Variants in BCR observed in about 807,000 individuals in gnomAD.
BCR encodes BCR activator of RhoGEF and GTPase.
A neutral mutation model predicts 138.6 loss-of-function variants in BCR; 58 were observed. That is an observed-to-expected ratio of 0.42 (90% CI 0.34 to 0.52). BCR has a LOEUF of 0.52. Among genes scored for constraint, BCR ranks in the 20% least tolerant of loss-of-function variants. The pLI is 0.06. For synonymous variants in BCR, 786 were observed against 730.1 expected (o/e 1.08, Z -1.23); for missense variants, 1,599 against 1,727.2 (o/e 0.93, Z 1.32).
chr22:23,184,521 A>G (rs2072314278), intron 1 of BCR, among the ~76,000 whole-genome samples: 1 of 152,142 alleles, frequency 6.6e-6, no homozygotes, highest in African/African-American at 2.4e-5. Flanking sequence ...TGATCGGGAA[A>G]TATAGCAATT....
chr22:23,218,203 T>C (rs1436164979), intron 1 of BCR, among the ~76,000 whole-genome samples: 4 of 152,144 alleles, frequency 2.6e-5, no homozygotes, highest in Non-Finnish European at 1.5e-5. Flanking sequence ...GCCAGTGCCC[T>C]GGCTTCCAGG....
intron 2 of BCR, among the ~76,000 whole-genome samples, chr22:23,258,976 G>C (rs1263661695): frequency 6.6e-6 from 1 of 152,216 alleles, no homozygotes; most frequent in Admixed American, 6.5e-5. Context: ...TCTGACTGCA[G>C]GCAGGGCCAT....
chr22:23,259,025 G>T (rs192550417), intron 2 of BCR, among the ~76,000 whole-genome samples: 1 of 152,298 alleles, frequency 6.6e-6, no homozygotes, highest in East Asian at 1.9e-4. Flanking sequence ...GCCTCAGCCC[G>T]GTGGAGCACT....
In BCR at chr22:23,181,262, C is replaced by T. The variant is rs934876396; in HGVS notation, c.302C>T (p.Pro101Leu). ...TCCGCGTCGCGCCCGCAGCCAGCGC[C>T]CGCCGACGGAGCCGACCCGCCGCCC... Reference protein sequence around the residue: ...RASASRPQPAPADGADPPPAE... With the variant: ...RASASRPQPALADGADPPPAE... The change falls in exon 1 of 23, where the codon CCC becomes CTC. Residue 101 changes from proline to leucine, a missense_variant. By Grantham distance (98) the Pro-to-Leu change is moderately conservative (BLOSUM62 -3). Around this residue, in one of 4 missense-constraint regions of BCR, gnomAD observed 806 missense variants for 635.0 expected, o/e 1.27. Coordinates refer to ENST00000305877, the MANE Select transcript of BCR (RefSeq NM_004327.4). 5 of 1,253,972 alleles carry T rather than the reference C, an allele frequency of 4.0e-6. No homozygotes were observed. The African/African-American group carries it at 7.9e-5, about 20-fold the overall frequency. 77.7% of individuals were successfully genotyped at this position (1,253,972 alleles called of 1,614,324 possible). A position where few individuals can be genotyped will look rare whatever the true frequency, so the allele number is the denominator to read the frequency against.
chr22:23,225,289 G>A (rs912868261), intron 1 of BCR, among the ~76,000 whole-genome samples: 1 of 152,026 alleles, frequency 6.6e-6, no homozygotes. Flanking sequence ...TGAACCCAGA[G>A]TAGCGTGCAT....
chr22:23,265,283 C>G (rs1422776815), intron 4 of BCR, among the ~76,000 whole-genome samples: 2 of 152,224 alleles, frequency 1.3e-5, no homozygotes, highest in African/African-American at 4.8e-5. Context: ...TTCCCCATAA[C>G]GACGAGCTGA....
At chr22:23,308,342 G>C (rs566873543) in intron 16 of BCR, among the ~76,000 whole-genome samples, 12 of 152,140 alleles carry the variant, frequency 7.9e-5, no homozygotes, top group African/African-American at 2.7e-4. Flanking sequence ...GTCTTGCTGT[G>C]TCGCCCAGGC....
intron 5 of BCR, among the ~76,000 whole-genome samples, chr22:23,269,099 A>G (rs1332257202): frequency 6.6e-6 from 1 of 152,258 alleles, no homozygotes; most frequent in Non-Finnish European, 1.5e-5. Flanking sequence ...GAAACCTCAA[A>G]CCATGTGGTG....
At chr22:23,303,757 A>G (rs1056594401) in intron 16 of BCR, among the ~76,000 whole-genome samples, 3 of 152,208 alleles carry the variant, frequency 2.0e-5, no homozygotes, top group Non-Finnish European at 2.9e-5. Context: ...ATAGTGATAC[A>G]GGTCCTCCTT....
chr22:23,206,698 A>G lies in BCR; in HGVS notation c.1279+24459A>G, dbSNP rs191683704. 6.2e-4 allele frequency among the ~76,000 whole-genome samples: 95 copies of G among 152,310 alleles called. 1 individual carries two copies. Among genetic ancestry groups the G allele is most frequent in the Middle Eastern group, 3.4e-3 (1 of 294 alleles). ...ACCTTTTCAAGCCCCAAGATGAGCA[A>G]ACTTGCTCCTCTTATTTCCTAGCAG... On this transcript the variant is annotated intron_variant, in intron 1 of 22. Transcript: ENST00000305877.
At position 23,199,143 on chromosome 22, in the gene BCR, G is replaced by A. The variant is rs368302248; in HGVS notation, c.1279+16904G>A. 441 of 329,490 alleles carry A rather than the reference G, an allele frequency of 1.3e-3. 3 individuals are homozygous for A. The highest frequency in any genetic ancestry group is 9.2e-3 in the African/African-American group (416 of 45,218). 20.4% of individuals were successfully genotyped at this position (329,490 alleles called of 1,614,324 possible). A position where few individuals can be genotyped will look rare whatever the true frequency, so the allele number is the denominator to read the frequency against. On this transcript the variant is annotated intron_variant, in intron 1 of 22. Coordinates refer to ENST00000305877, the MANE Select transcript of BCR (RefSeq NM_004327.4). Reference sequence around the variant, plus strand: ...GTCTCAAAAAAAAAAAAAAGAATTTGGCCCTAACAAATGCAGGTTGTGATT... The same window carrying A: ...GTCTCAAAAAAAAAAAAAAGAATTTAGCCCTAACAAATGCAGGTTGTGATT...
chr22:23,219,815 A>G (rs5996496), intron 1 of BCR, among the ~76,000 whole-genome samples: 11,418 of 152,048 alleles, frequency 0.075, 1,438 homozygotes, highest in African/African-American at 0.26. Context: ...CACCACTATT[A>G]TCCCACCCCA....
chr22:23,190,670 G>C (rs2072402040), intron 1 of BCR, among the ~76,000 whole-genome samples: 2 of 152,188 alleles, frequency 1.3e-5, no homozygotes, highest in African/African-American at 4.8e-5. Flanking sequence ...CTGGGCAGCA[G>C]AGGAAAGGGC....
chr22:23,185,693 C>G (rs1192458691), intron 1 of BCR, among the ~76,000 whole-genome samples: 1 of 150,228 alleles, frequency 6.7e-6, no homozygotes, highest in Non-Finnish European at 1.5e-5. Context: ...CTATGCGGAA[C>G]TCACAGAAGG....
intron 4 of BCR, among the ~76,000 whole-genome samples, chr22:23,265,719 G>A (rs1411194403): frequency 6.6e-6 from 1 of 152,192 alleles, no homozygotes; most frequent in Non-Finnish European, 1.5e-5. Context: ...ACACTGATGG[G>A]AACTTTTTGC....
intron 1 of BCR, among the ~76,000 whole-genome samples, chr22:23,207,363 A>G (rs372095339): frequency 3.1e-4 from 47 of 152,282 alleles, no homozygotes; most frequent in African/African-American, 1.1e-3. Flanking sequence ...AAAGGAGTAT[A>G]TTGTAATCCC....
At chr22:23,312,724 A>T in intron 19 of BCR, 163 bp from the exon 20 acceptor site, 1 of 602,898 alleles carries the variant, frequency 1.7e-6, no homozygotes, top group East Asian at 2.8e-5. Flanking sequence ...CAGACACAGA[A>T]CCATGCACAG....
At chr22:23,295,467 A>G (rs1048087593) in intron 16 of BCR, among the ~76,000 whole-genome samples, 4 of 152,046 alleles carry the variant, frequency 2.6e-5, no homozygotes, top group Non-Finnish European at 5.9e-5. Flanking sequence ...GAACAGTTAG[A>G]TGGTGTCCTA....
intron 1 of BCR, among the ~76,000 whole-genome samples, chr22:23,219,017 G>A (rs2072789415): frequency 0.028 from 1 of 36 alleles, no homozygotes; most frequent in South Asian, 0.5. Context: ...AGCTGAGAAG[G>A]CCTGCGCTTC....
Sources: gnomAD v4.1 joint callset for allele counts (sites outside exome capture counted in the v4.1 genomes callset) on GRCh38, gnomAD v4.1.1 for gene constraint, gnomAD v4.1.1 regional missense constraint, MANE v1.5 for transcripts, NCBI Gene and HGNC (gene_info 2026-07-23, HGNC 2026-07-21) for gene names.